ERC2: variants seen among roughly 807,000 people sequenced by gnomAD.
ERC2 encodes the protein ERC protein 2.
In ERC2, 42 loss-of-function variants were observed where a neutral mutation model predicts 114.8. That is an observed-to-expected ratio of 0.37 (90% confidence interval 0.29 to 0.47). ERC2 has a LOEUF of 0.47. ERC2 is among the 20% of genes least tolerant of loss of function. ERC2 has a pLI of 0.99. For missense variants in ERC2, 939 were observed against 1,150.7 expected (o/e 0.82, Z 2.66); for synonymous variants, 454 against 425.5 (o/e 1.07, Z -0.82).
intron 14 of ERC2, among the ~76,000 whole-genome samples, chr3:55,747,762 A>G (rs1181884233): frequency 6.6e-6 from 1 of 152,158 alleles, no homozygotes. Flanking sequence ...CTCAATGACC[A>G]CAAATTAATT....
intron 17 of ERC2, among the ~76,000 whole-genome samples, chr3:55,520,651 G>T (rs1451700777): frequency 6.6e-6 from 1 of 152,110 alleles, no homozygotes; most frequent in African/African-American, 2.4e-5. Flanking sequence ...ACGGCCTTGT[G>T]AACATTTCAC....
intron 14 of ERC2, among the ~76,000 whole-genome samples, chr3:55,886,505 A>G (rs1464397276): frequency 6.6e-6 from 1 of 152,210 alleles, no homozygotes; most frequent in Non-Finnish European, 1.5e-5. Context: ...AAACCATTTT[A>G]TGAACTTTGT....
chr3:55,756,362 C>T (rs1028247651), intron 14 of ERC2, among the ~76,000 whole-genome samples: 5 of 152,102 alleles, frequency 3.3e-5, no homozygotes, highest in Non-Finnish European at 7.4e-5. Flanking sequence ...GACTGTAATA[C>T]TGATGAACTT....
At position 56,387,880 on chromosome 3, in the gene ERC2, C is replaced by G. The variant is rs115742531; in HGVS notation, c.657+46471G>C. On this transcript the variant is annotated intron_variant, in intron 2 of 17. Transcript: ENST00000288221. ...CTCATTTTCAACAATGACTCCCTGC[C>G]TGTGACTAGAATAATGTGGTGTGTT... Among the ~76,000 whole-genome samples, 571 of 152,284 alleles carry G rather than the reference C, an allele frequency of 3.7e-3. 2 individuals carry two copies. The highest frequency in any genetic ancestry group is 5.8e-3 in the Non-Finnish European group (394 of 68,008).
chr3:55,689,641 C>G (rs1576149671), intron 16 of ERC2, among the ~76,000 whole-genome samples: 1 of 151,894 alleles, frequency 6.6e-6, no homozygotes, highest in African/African-American at 2.4e-5. Flanking sequence ...AATCAAATTT[C>G]CTTTTGACTC....
At chr3:56,073,045 C>T in intron 7 of ERC2, among the ~76,000 whole-genome samples, 1 of 152,062 alleles carries the variant, frequency 6.6e-6, no homozygotes, top group East Asian at 1.9e-4. Context: ...GAGTAACAGT[C>T]CAAACACCAT....
intron 3 of ERC2, among the ~76,000 whole-genome samples, chr3:56,259,797 C>T (rs1316889025): frequency 1.3e-5 from 2 of 152,254 alleles, no homozygotes; most frequent in Middle Eastern, 3.4e-3. Flanking sequence ...GCAAGCTAGG[C>T]CTGACTGGTA....
Position 56,435,382 on chromosome 3 carries a change from T to C in ERC2, c.-140-235A>G, listed in dbSNP as rs75148934. 8.5e-3 allele frequency among the ~76,000 whole-genome samples: 1,290 copies of C among 152,126 alleles called. 19 individuals carry two copies. The highest frequency in any genetic ancestry group is 0.029 in the African/African-American group (1,201 of 41,498). On this transcript the variant is annotated intron_variant, in intron 1 of 17. Coordinates refer to ENST00000288221, the MANE Select transcript of ERC2 (RefSeq NM_015576.3). The stretch of plus-strand genomic sequence containing the variant: ...CCCCCCACCCTGCCCCTAAGCAAGA[T>C]AAAAATTCTCAAAGTGAAAAATAAG...
At chr3:55,515,536 A>C (rs1419401663) in intron 17 of ERC2, among the ~76,000 whole-genome samples, 2 of 150,336 alleles carry the variant, frequency 1.3e-5, no homozygotes, top group Admixed American at 6.7e-5. Flanking sequence ...CCCAGCCGTT[A>C]AAATTTTCTC....
At chr3:55,692,271 C>T (rs2148806065) in intron 16 of ERC2, among the ~76,000 whole-genome samples, 1 of 152,278 alleles carries the variant, frequency 6.6e-6, no homozygotes, top group Non-Finnish European at 1.5e-5. Flanking sequence ...CAAGCTGGTG[C>T]CCCAGGAGGG....
intron 2 of ERC2, among the ~76,000 whole-genome samples, chr3:56,299,432 G>T (rs991569525): frequency 7.0e-6 from 1 of 142,506 alleles, no homozygotes; most frequent in Non-Finnish European, 1.5e-5. Flanking sequence ...CCAGCTAATA[G>T]ATTTTTTTTT....
chr3:55,591,584 T>TGTGC (rs2057889037), intron 17 of ERC2, among the ~76,000 whole-genome samples: 2 of 151,316 alleles, frequency 1.3e-5, no homozygotes, highest in African/African-American at 4.9e-5. Context: ...CGTGTGTGTG[T>TGTGC]GTGTGTGTGT....
intron 2 of ERC2, among the ~76,000 whole-genome samples, chr3:56,391,448 A>C (rs2060124807): frequency 6.6e-6 from 1 of 152,220 alleles, no homozygotes; most frequent in African/African-American, 2.4e-5. Flanking sequence ...ATGAGGTATT[A>C]CCACCATTTC....
chr3:55,691,216 A>G (rs2062622099), intron 16 of ERC2, among the ~76,000 whole-genome samples: 1 of 152,180 alleles, frequency 6.6e-6, no homozygotes, highest in African/African-American at 2.4e-5. Flanking sequence ...TAAAGAAAAA[A>G]GAGACATCTG....
chr3:55,589,299 T>C (rs1161912058), intron 17 of ERC2, among the ~76,000 whole-genome samples: 1 of 151,332 alleles, frequency 6.6e-6, no homozygotes, highest in African/African-American at 2.4e-5. Flanking sequence ...TTAAAAACCA[T>C]GTGCTTAGAG....
At chr3:56,434,312 A>C (rs767995778) in intron 2 of ERC2, 39 bp downstream of exon 2, 2 of 1,587,084 alleles carry the variant, frequency 1.3e-6, no homozygotes, top group African/African-American at 2.7e-5. Context: ...CTCAGTGAGA[A>C]GCCAAGGCTG....
chr3:55,715,668 A>G (rs1340908149), intron 15 of ERC2, among the ~76,000 whole-genome samples: 1 of 152,186 alleles, frequency 6.6e-6, no homozygotes, highest in Non-Finnish European at 1.5e-5. Flanking sequence ...TTGGGAAATA[A>G]CCCATTAAAA....
At chr3:55,583,009 G>A (rs974506500) in intron 17 of ERC2, among the ~76,000 whole-genome samples, 1 of 152,184 alleles carries the variant, frequency 6.6e-6, no homozygotes, top group Non-Finnish European at 1.5e-5. Context: ...ACTAATAAAG[G>A]TTTATTGCAA....
chr3:56,443,219 C>A (rs532509624), intron 1 of ERC2, among the ~76,000 whole-genome samples: 1 of 152,186 alleles, frequency 6.6e-6, no homozygotes, highest in East Asian at 1.9e-4. Context: ...CTTACAACAC[C>A]AAGATCACAA....
Sources: gnomAD v4.1 joint callset for allele counts (sites outside exome capture counted in the v4.1 genomes callset) on GRCh38, gnomAD v4.1.1 for gene constraint, MANE v1.5 for transcripts, NCBI Gene and HGNC (gene_info 2026-07-23, HGNC 2026-07-21) for gene names.